The following PROSER3 variants were observed in gnomAD, a reference collection of about 807,000 sequenced individuals.
PROSER3 encodes the protein proline and serine-rich protein 3.
PROSER3 carries 33 observed loss-of-function variants against 50.2 expected under a neutral mutation model. The ratio of observed to expected loss-of-function variants is 0.66; its 90% CI spans 0.50 to 0.88. PROSER3 has a LOEUF of 0.88. Among genes scored for constraint, PROSER3 ranks in the 40% least tolerant of loss-of-function variants. The pLI is 0.00. For synonymous variants in PROSER3, 266 were observed against 259.3 expected (o/e 1.03, Z -0.25); for missense variants, 623 against 612.7 (o/e 1.02, Z -0.18).
At chr19:35,766,948 G>A (rs551664520) in exon 8 of PROSER3, 13 of 1,550,868 alleles carry the variant, frequency 8.4e-6, no homozygotes, top group Admixed American at 5.8e-5. Context: ...CCTGCCCTCC[G>A]CACGTTGGTG....
chr19:35,759,899 A>C, exon 3 of PROSER3: 5 of 1,600,160 alleles, frequency 3.1e-6, no homozygotes, highest in Non-Finnish European at 4.3e-6. Context: ...CATCCAGTTC[A>C]GGGACCCCCT....
chr19:35,762,122 G>A, exon 4 of PROSER3: 1 of 1,602,010 alleles, frequency 6.2e-7, no homozygotes, highest in Non-Finnish European at 8.5e-7. Context: ...TGACTCTCCA[G>A]ACCCCAGCAG....
intron 8 of PROSER3, chr19:35,767,677 C>A: frequency 8.2e-7 from 1 of 1,225,734 alleles, no homozygotes; most frequent in Non-Finnish European, 1.1e-6. Context: ...TCCCTGACAG[C>A]CTGGAGGACA....
chr19:35,758,224 C>T, exon 1 of PROSER3: 4 of 1,562,442 alleles, frequency 2.6e-6, no homozygotes, highest in Non-Finnish European at 3.5e-6. Context: ...GGATGGACCG[C>T]AGGTGAGGCC....
Position 35,768,240 on chromosome 19 carries a change from ACCGAC to A in PROSER3, c.1301+7_1301+11del, listed in dbSNP as rs550275918. ...CAGAGCTGAGTCGGCAGAAAAGGTG[ACCGAC>A]CCTCCATCCCCAGAGTCTATGACAC... On this transcript the variant is annotated splice_donor_5th_base_variant and intron_variant, in intron 10 of 10. Coordinates refer to ENST00000396908, the Ensembl canonical transcript of PROSER3. The A allele has an allele frequency of 8.2e-4, 1,317 of 1,610,508 alleles. 10 individuals are homozygous for A. The African/African-American group carries it at 0.013, about 16-fold the overall frequency.
chr19:35,764,991 G>T (rs1225694070), intron 6 of PROSER3, 43 bp from the exon 7 acceptor site: 1 of 1,612,722 alleles, frequency 6.2e-7, no homozygotes, highest in Admixed American at 1.7e-5. Context: ...CGTGGCCCAG[G>T]TCTCGAGACC....
intron 8 of PROSER3, chr19:35,767,552 T>C (rs1971196083): frequency 3.7e-6 from 2 of 538,874 alleles, no homozygotes; most frequent in Non-Finnish European, 6.6e-6. Context: ...GGGGCCCAAG[T>C]CTCGGAGGAG....
rs1489707867 is a variant in PROSER3, at chr19:35,762,564, G to A, written c.543+208G>A. ...CCTCTACTAAAAAAAAAAAAAAAAAGAGAGAGAGAGAGAGAACCAGGTGTG... is the reference window on the plus strand; with the variant it reads ...CCTCTACTAAAAAAAAAAAAAAAAAAAGAGAGAGAGAGAGAACCAGGTGTG... On this transcript the variant is annotated intron_variant, in intron 5 of 10. Transcript: ENST00000396908. The A allele has an allele frequency of 1.4e-3, 345 of 254,234 alleles. 2 individuals are homozygous for A. The highest frequency in any genetic ancestry group is 4.4e-3 in the South Asian group (92 of 20,952). The allele number at this position is 254,234 out of a possible 1,614,324, so 15.7% of individuals were successfully genotyped here.
chr19:35,765,913 T>G (rs1171153777), intron 7 of PROSER3, among the ~76,000 whole-genome samples: 1 of 152,066 alleles, frequency 6.6e-6, no homozygotes, highest in Non-Finnish European at 1.5e-5. Flanking sequence ...GAATGCACCG[T>G]GCGATACATG....
At chr19:35,763,996 G>A (rs936202996) in intron 5 of PROSER3, among the ~76,000 whole-genome samples, 4 of 151,206 alleles carry the variant, frequency 2.6e-5, no homozygotes, top group African/African-American at 7.3e-5. Flanking sequence ...CTTTGTTGTC[G>A]AGGCTGGTCT....
downstream of PROSER3, chr19:35,770,719 A>C (rs990702448): frequency 6.6e-6 from 1 of 151,918 alleles, no homozygotes; most frequent in African/African-American, 2.4e-5. Flanking sequence ...TACTAAAAAT[A>C]CAAAAATTGG....
At position 35,759,543 on chromosome 19, in the gene PROSER3, C is replaced by T. The variant is rs894831865; in HGVS notation, c.108+73C>T. Reference sequence around the variant, plus strand: ...GAATGACCTTTAGAGGGTAGGAAGACATGTGATGAGAGATAGGGATGAGAG... The same window carrying T: ...GAATGACCTTTAGAGGGTAGGAAGATATGTGATGAGAGATAGGGATGAGAG... On this transcript the variant is annotated intron_variant, in intron 2 of 10. Transcript: ENST00000396908. The T allele has an allele frequency of 4.4e-6, 6 of 1,360,126 alleles. No homozygotes were observed. The African/African-American group carries it at 7.2e-5, about 16-fold the overall frequency. 84.3% of individuals were successfully genotyped at this position (1,360,126 alleles called of 1,614,324 possible).
Position 35,762,177 on chromosome 19 carries a change from A to G in PROSER3, c.439+31A>G, listed in dbSNP as rs760221142. ...TCTTTCAGTGCCATCCACTACTCCCACCCCTAAACCTTTGCTGATCAATGC... is the reference window on the plus strand; with the variant it reads ...TCTTTCAGTGCCATCCACTACTCCCGCCCCTAAACCTTTGCTGATCAATGC... On this transcript the variant is annotated intron_variant, in intron 4 of 10. Coordinates refer to ENST00000396908, the Ensembl canonical transcript of PROSER3. 8 of 1,585,144 alleles carry G rather than the reference A, an allele frequency of 5.0e-6. No homozygotes were observed. In the Admixed American group the frequency reaches 1.4e-4, roughly 27 times the overall value.
In PROSER3 at chr19:35,758,180, G is replaced by A. The variant is rs372138291; in HGVS notation, c.-36G>A. ...TGCGCGCGGGGCCTGTTGGGTGAAG[G>A]AGCAGAGCGGCCGGAAGCGCGGAGG... is the stretch of plus-strand genomic sequence containing the variant. On this transcript the variant is annotated 5_prime_UTR_variant, in exon 1 of 11. Coordinates refer to ENST00000396908, the Ensembl canonical transcript of PROSER3. 1.8e-5 allele frequency: 28 copies of A among 1,554,114 alleles called. 1 individual carries two copies. The African/African-American group carries it at 2.6e-4, about 14-fold the overall frequency.
chr19:35,769,628 C>T (rs1383198674), downstream of PROSER3: 1 of 152,414 alleles, frequency 6.6e-6, no homozygotes, highest in African/African-American at 2.4e-5. Flanking sequence ...CTTTCTTCGG[C>T]TCTGTCCTTT....
At chr19:35,768,992 G>C (rs1053031909) in exon 11 of PROSER3, 1 of 155,106 alleles carries the variant, frequency 6.4e-6, no homozygotes, top group Non-Finnish European at 1.4e-5. Flanking sequence ...CCTGCTTCCA[G>C]CCCTTCTCTC....
downstream of PROSER3, chr19:35,769,450 G>C (rs1003936583): frequency 4.0e-5 from 6 of 150,488 alleles, no homozygotes; most frequent in African/African-American, 1.5e-4. Flanking sequence ...GACTACAGGT[G>C]CCCGCCACCA....
chr19:35,761,966 T>C (rs1970964583), intron 3 of PROSER3, 53 bp from the exon 4 acceptor site: 6 of 1,511,726 alleles, frequency 4.0e-6, no homozygotes, highest in East Asian at 2.4e-5. Context: ...ATTATTCTTA[T>C]TATTATTTGG....
chr19:35,760,093 C>A (rs779629961), intron 3 of PROSER3, 102 bp downstream of exon 3: 2 of 1,236,560 alleles, frequency 1.6e-6, no homozygotes, highest in Non-Finnish European at 1.1e-6. Flanking sequence ...CTGCAGCACT[C>A]TTTTAGGACC....
Sources: allele counts gnomAD v4.1 joint callset (sites outside exome capture counted in the v4.1 genomes callset), GRCh38; gene constraint gnomAD v4.1.1; transcripts MANE v1.5; gene names NCBI Gene and HGNC (gene_info 2026-07-23, HGNC 2026-07-21).